The following PXDNL variants were observed in gnomAD, a reference collection of about 807,000 sequenced individuals.
PXDNL encodes probable oxidoreductase PXDNL.
PXDNL carries 145 observed loss-of-function variants against 150.8 expected under a neutral mutation model. The observed-to-expected ratio is 0.96, with a 90% CI of 0.84 to 1.10. PXDNL has a LOEUF of 1.10. Among genes scored for constraint, PXDNL ranks in the 50% least tolerant of loss-of-function variants. PXDNL has a pLI of 0.00. For synonymous variants in PXDNL, 757 were observed against 725.7 expected, an observed-to-expected ratio of 1.04 and a Z score of -0.69; for missense variants, 2,087 against 1,873.9, an observed-to-expected ratio of 1.11 and a Z score of -2.10.
At chr8:51,330,139 T>C (rs1354646577) in intron 21 of PXDNL, among the ~76,000 whole-genome samples, 1 of 152,194 alleles carries the variant, frequency 6.6e-6, no homozygotes, top group Non-Finnish European at 1.5e-5. Context: ...CTGCTTTTCT[T>C]AGTCCACCAA....
chr8:51,547,636 A>C (rs1167995333), intron 4 of PXDNL, among the ~76,000 whole-genome samples: 1 of 152,186 alleles, frequency 6.6e-6, no homozygotes, highest in African/African-American at 2.4e-5. Context: ...ATCCCTAGGG[A>C]AAAGGGGAGA....
At chr8:51,378,541 C>T (rs1807421094) in intron 17 of PXDNL, among the ~76,000 whole-genome samples, 3 of 152,220 alleles carry the variant, frequency 2.0e-5, no homozygotes, top group African/African-American at 7.2e-5. Flanking sequence ...GCTGCCCCAG[C>T]CAGCAGTGGC....
chr8:51,453,411 C>A (rs1176562279), intron 10 of PXDNL, 108 bp downstream of exon 10: 6 of 1,163,478 alleles, frequency 5.2e-6, no homozygotes, highest in Non-Finnish European at 7.3e-6. Context: ...AAATAATTGG[C>A]AAATAAAAAT....
chr8:51,370,510 A>C (rs1207599807), intron 19 of PXDNL, among the ~76,000 whole-genome samples: 1 of 152,158 alleles, frequency 6.6e-6, no homozygotes, highest in African/African-American at 2.4e-5. Flanking sequence ...ATCACTAAGA[A>C]CTTGAGGTAA....
intron 17 of PXDNL, among the ~76,000 whole-genome samples, chr8:51,384,488 G>A (rs577243438): frequency 3.3e-5 from 5 of 152,022 alleles, no homozygotes; most frequent in African/African-American, 7.2e-5. Context: ...AAGCTATCTC[G>A]GGACTCTAGA....
chr8:51,394,177 G>T (rs529300410), intron 17 of PXDNL, among the ~76,000 whole-genome samples: 1 of 152,154 alleles, frequency 6.6e-6, no homozygotes, highest in East Asian at 1.9e-4. Context: ...GTTGGAGCAT[G>T]AATAATTATT....
chr8:51,354,297 T>A lies in PXDNL; in HGVS notation c.3902-8350A>T, dbSNP rs543629756. Among the ~76,000 whole-genome samples, 8 of 152,272 alleles carry A rather than the reference T, an allele frequency of 5.3e-5. No homozygotes were observed. In the East Asian group the frequency reaches 1.5e-3, roughly 29 times the overall value. ...CATCATGCTTATGCTAAGTCAATTT[T>A]ATCAGTAGAATTTTGACTTATTTGA... On this transcript the variant is annotated intron_variant, in intron 19 of 22. Transcript: ENST00000356297.
chr8:51,672,284 A>G (rs1422590182), intron 1 of PXDNL, among the ~76,000 whole-genome samples: 1 of 152,198 alleles, frequency 6.6e-6, no homozygotes, highest in African/African-American at 2.4e-5. Context: ...GCCTGGCTTC[A>G]AATCATTCTT....
At chr8:51,374,916 A>C (rs1807256683) in intron 17 of PXDNL, among the ~76,000 whole-genome samples, 185 bp from the exon 18 acceptor site, 1 of 152,230 alleles carries the variant, frequency 6.6e-6, no homozygotes, top group Non-Finnish European at 1.5e-5. Flanking sequence ...ATCACCCCAT[A>C]GGCAGGAGGC....
intron 21 of PXDNL, 200 bp from the exon 22 acceptor site, chr8:51,321,097 G>T: frequency 2.1e-6 from 1 of 473,006 alleles, no homozygotes; most frequent in Non-Finnish European, 3.7e-6. Flanking sequence ...CAAATAAACA[G>T]TTCTGTAGGT....
intron 4 of PXDNL, among the ~76,000 whole-genome samples, chr8:51,503,481 G>GC (rs1811227623): frequency 6.6e-6 from 1 of 152,198 alleles, no homozygotes; most frequent in Non-Finnish European, 1.5e-5. Context: ...GATGGCTTTA[G>GC]CAGATTCAAA....
chr8:51,719,556 T>A (rs1816686325), intron 1 of PXDNL, among the ~76,000 whole-genome samples: 1 of 152,026 alleles, frequency 6.6e-6, no homozygotes, highest in East Asian at 1.9e-4. Context: ...TGTTCACTTG[T>A]TTATCTGCTG....
chr8:51,711,464 T>C (rs9643787), intron 1 of PXDNL, among the ~76,000 whole-genome samples: 2,062 of 152,322 alleles, frequency 0.014, 29 homozygotes, highest in South Asian at 0.044. Context: ...CATATCAATG[T>C]ATTGTGATTG....
intron 4 of PXDNL, among the ~76,000 whole-genome samples, chr8:51,555,550 A>G (rs1290521598): frequency 6.6e-6 from 1 of 152,234 alleles, no homozygotes; most frequent in Non-Finnish European, 1.5e-5. Context: ...TATGAAAAAG[A>G]AATTTAGATT....
intron 1 of PXDNL, among the ~76,000 whole-genome samples, chr8:51,744,119 A>AAAGAAAGAAAGAAAGGAAGGAAGG (rs763172161): frequency 5.6e-5 from 2 of 35,988 alleles, no homozygotes; most frequent in Non-Finnish European, 8.4e-5. Flanking sequence ...AGAAAGAAAG[A>AAAGAAAGAAAGAAAGGAAGGAAGG]AAGGAAGAAA....
chr8:51,506,852 G>A (rs187956077), intron 4 of PXDNL, among the ~76,000 whole-genome samples: 1 of 152,086 alleles, frequency 6.6e-6, no homozygotes, highest in Middle Eastern at 3.2e-3. Flanking sequence ...AAGATTGAGC[G>A]CCAACCTGTG....
chr8:51,354,753 C>A (rs1203050026), intron 19 of PXDNL, among the ~76,000 whole-genome samples: 1 of 151,996 alleles, frequency 6.6e-6, no homozygotes, highest in African/African-American at 2.4e-5. Flanking sequence ...AAAAATTTTT[C>A]TTTCTTATGT....
intron 8 of PXDNL, among the ~76,000 whole-genome samples, chr8:51,469,325 AT>A (rs1810272692): frequency 6.6e-6 from 1 of 152,150 alleles, no homozygotes; most frequent in East Asian, 1.9e-4. Flanking sequence ...TTTAAATCCT[AT>A]TTTGGAAGCA....
chr8:51,577,131 C>A (rs1813072413), intron 3 of PXDNL, among the ~76,000 whole-genome samples: 1 of 151,756 alleles, frequency 6.6e-6, no homozygotes. Flanking sequence ...AGAAAGAATA[C>A]TTCTCGATTC....
Sources: allele counts gnomAD v4.1 joint callset (sites outside exome capture counted in the v4.1 genomes callset), GRCh38; gene constraint gnomAD v4.1.1; transcripts MANE v1.5; gene names NCBI Gene and HGNC (gene_info 2026-07-23, HGNC 2026-07-21).